The following DGKH variants were observed in gnomAD, a reference collection of about 807,000 sequenced individuals.
The protein encoded by DGKH is diacylglycerol kinase eta.
A neutral mutation model predicts 159.3 loss-of-function variants in DGKH; 90 were observed. The ratio of observed to expected loss-of-function variants is 0.57; its 90% CI spans 0.48 to 0.67. The LOEUF (loss-of-function observed/expected upper bound fraction) is 0.67. Among genes scored for constraint, DGKH ranks in the 30% least tolerant of loss-of-function variants. The pLI, the probability that DGKH is intolerant of heterozygous loss-of-function variation, is 0.00. For synonymous variants in DGKH, 536 were observed against 553.8 expected (o/e 0.97, Z 0.45); for missense variants, 1,181 against 1,506.1 (o/e 0.78, Z 3.57).
Position 42,235,367 on chromosome 13 carries a change from T to C in DGKH, c.*6179T>C, listed in dbSNP as rs1203206861. ...TTCATTTTAGCTACAAGTTATTCAT[T>C]GCATAGGATTTTATAAATAGTCTGG... On this transcript the variant is annotated 3_prime_UTR_variant, in exon 30 of 30. Coordinates refer to ENST00000337343, the MANE Select transcript of DGKH (RefSeq NM_178009.5). The C allele has an allele frequency of 1.3e-5, 2 of 152,176 alleles. No homozygotes were observed. The highest frequency in any genetic ancestry group is 2.9e-5 in the Non-Finnish European group (2 of 68,002). 9.4% of individuals were successfully genotyped at this position (152,176 alleles called of 1,614,324 possible). A position where few individuals can be genotyped will look rare whatever the true frequency, so the allele number is the denominator to read the frequency against.
intron 23 of DGKH, 100 bp downstream of exon 23, chr13:42,209,565 A>G (rs1394817162): frequency 1.0e-5 from 13 of 1,306,084 alleles, no homozygotes; most frequent in Non-Finnish European, 1.3e-5. Context: ...ATTGTCTCTT[A>G]AATCTGACAT....
At chr13:42,042,218 A>G (rs1245865382) in intron 1 of DGKH, among the ~76,000 whole-genome samples, 1 of 152,244 alleles carries the variant, frequency 6.6e-6, no homozygotes, top group African/African-American at 2.4e-5. Flanking sequence ...TTTGAAGTTT[A>G]AATCAAAGAT....
At chr13:42,118,807 G>A (rs1001319612) in intron 1 of DGKH, among the ~76,000 whole-genome samples, 52 of 152,218 alleles carry the variant, frequency 3.4e-4, no homozygotes, top group Admixed American at 3.9e-4. Context: ...GTAGCAGGCA[G>A]AAGAGAACTA....
chr13:42,096,489 A>G lies in DGKH; in HGVS notation c.193-30974A>G, dbSNP rs556561691. Among the ~76,000 whole-genome samples the G allele has an allele frequency of 2.2e-4, 34 of 152,298 alleles. 1 individual carries two copies. In the South Asian group the frequency reaches 6.8e-3, roughly 31 times the overall value. ...CCACATTTTCTTTATCTAATCCACC[A>G]TTGATGGACACCTGGGATGATTCCA... On this transcript the variant is annotated intron_variant, in intron 1 of 29. Transcript: ENST00000337343.
chr13:42,189,824 AC>A (rs900953857), intron 15 of DGKH, among the ~76,000 whole-genome samples: 7 of 151,896 alleles, frequency 4.6e-5, no homozygotes, highest in Non-Finnish European at 8.8e-5. Flanking sequence ...GCACCGCCAT[AC>A]CCAGCTAATT....
chr13:42,181,364 C>G (rs923871040), intron 13 of DGKH: 1 of 153,856 alleles, frequency 6.5e-6, no homozygotes, highest in African/African-American at 2.4e-5. Context: ...AGAGGCTTAA[C>G]TGCTGGTTTC....
intron 1 of DGKH, among the ~76,000 whole-genome samples, chr13:42,098,477 A>G (rs1566100321): frequency 2.1e-5 from 3 of 145,758 alleles, no homozygotes; most frequent in Non-Finnish European, 4.5e-5. Flanking sequence ...ACAGAGCGAG[A>G]CTCTGTCTCA....
chr13:42,040,688 G>A (rs1443762285), intron 1 of DGKH, among the ~76,000 whole-genome samples: 2 of 151,032 alleles, frequency 1.3e-5, no homozygotes, highest in East Asian at 3.9e-4. Context: ...GACCGGCGCG[G>A]GGGCGGGAGA....
upstream of DGKH, among the ~76,000 whole-genome samples, chr13:42,046,727 AAC>A (rs946639371): frequency 6.6e-6 from 1 of 152,228 alleles, no homozygotes; most frequent in African/African-American, 2.4e-5. Context: ...TGCTATATAA[AAC>A]ACATAATGTA....
At chr13:42,183,010 C>G (rs1956815984) in intron 13 of DGKH, among the ~76,000 whole-genome samples, 1 of 151,932 alleles carries the variant, frequency 6.6e-6, no homozygotes, top group Admixed American at 6.6e-5. Context: ...AAATCTTGAC[C>G]AGGCATGGTG....
rs1221403961 is a variant in DGKH at position 42,109,362 on chromosome 13, T to G, written c.193-18101T>G. On this transcript the variant is annotated intron_variant, in intron 1 of 29. Coordinates refer to ENST00000337343, the MANE Select transcript of DGKH (RefSeq NM_178009.5). ...ACGTTAAGTAATTTGTTCAAAGTCT[T>G]TAACAACTAGTCAGCCGTGGAGCCA... Among the ~76,000 whole-genome samples the G allele has an allele frequency of 2.0e-5, 3 of 152,190 alleles. No homozygotes were observed. In the East Asian group the frequency reaches 5.8e-4, roughly 29 times the overall value.
Position 42,199,629 on chromosome 13 carries a change from T to G in DGKH, c.2349T>G (p.Ile783Met), listed in dbSNP as rs200984422. ...NYFGIGLDAKISLEFNNKREE... is the reference protein window; with the variant it reads ...NYFGIGLDAKMSLEFNNKREE... ...TTGGGATTGGATTAGATGCAAAAAT[T>G]TCATTAGAATTTAATAATAAAAGAG... The change falls in exon 19 of 30, where the codon ATT becomes ATG. Residue 783 changes from isoleucine to methionine, a missense_variant. Transcript: ENST00000337343. 6.2e-7 allele frequency: 1 copy of G among 1,605,330 alleles called. No homozygotes were observed. Among genetic ancestry groups the G allele is most frequent in the African/African-American group, 1.3e-5 (1 of 74,552 alleles).
chr13:42,092,650 TTAGA>T (rs1394888119), intron 1 of DGKH, among the ~76,000 whole-genome samples: 8 of 152,192 alleles, frequency 5.3e-5, no homozygotes, highest in East Asian at 1.9e-4. Flanking sequence ...AAAAATATAG[TTAGA>T]TAGAAGGAGT....
At chr13:42,163,861 G>T (rs1471631414) in intron 7 of DGKH, among the ~76,000 whole-genome samples, 4 of 152,036 alleles carry the variant, frequency 2.6e-5, no homozygotes, top group African/African-American at 9.7e-5. Flanking sequence ...AAGCTCTTTA[G>T]TTTAATTAGA....
At chr13:42,070,608 A>G in intron 1 of DGKH, 5 of 1,606,044 alleles carry the variant, frequency 3.1e-6, no homozygotes, top group South Asian at 2.2e-5. Flanking sequence ...CCAAGTCTTC[A>G]GTATTAATGA....
intron 1 of DGKH, among the ~76,000 whole-genome samples, chr13:42,113,929 G>T (rs1186676220): frequency 2.6e-5 from 4 of 152,120 alleles, no homozygotes; most frequent in Non-Finnish European, 5.9e-5. Context: ...TGTGGTTTGT[G>T]TTTGGCCACC....
intron 1 of DGKH, among the ~76,000 whole-genome samples, chr13:42,067,455 A>G (rs1882659820): frequency 6.6e-6 from 1 of 152,188 alleles, no homozygotes; most frequent in South Asian, 2.1e-4. Context: ...ATTTCATTTA[A>G]GAAGACCATT....
exon 31 of DGKH, chr13:42,256,477 C>T: frequency 7.9e-7 from 1 of 1,262,308 alleles, no homozygotes; most frequent in Non-Finnish European, 1.2e-6. Flanking sequence ...TTGGCTATCT[C>T]ACACCAGAAC....
chr13:42,118,655 A>C (rs1955008279), intron 1 of DGKH, among the ~76,000 whole-genome samples: 1 of 152,212 alleles, frequency 6.6e-6, no homozygotes, highest in Non-Finnish European at 1.5e-5. Flanking sequence ...TGCTGGATGA[A>C]TGTTGAGATG....
Sources: allele counts gnomAD v4.1 joint callset (sites outside exome capture counted in the v4.1 genomes callset), GRCh38; gene constraint gnomAD v4.1.1; transcripts MANE v1.5; gene names NCBI Gene and HGNC (gene_info 2026-07-23, HGNC 2026-07-21).